The following UTRN variants were observed in gnomAD, a reference collection of about 807,000 sequenced individuals.
The protein encoded by UTRN is dystrophin-related protein 1.
In UTRN, 283 loss-of-function variants were observed where a neutral mutation model predicts 463.9. The observed-to-expected ratio is 0.61, with a 90% CI of 0.55 to 0.67. The LOEUF (loss-of-function observed/expected upper bound fraction) is 0.67, where lower values mean the gene tolerates loss of function less well. Among genes scored for constraint, UTRN ranks in the 30% least tolerant of loss-of-function variants. The pLI is 0.00. For missense variants in UTRN, 3,922 were observed against 4,084.3 expected, an observed-to-expected ratio of 0.96 and a Z score of 1.08; for synonymous variants, 1,442 against 1,431.5, an observed-to-expected ratio of 1.01 and a Z score of -0.17.
chr6:144,289,571 T>G (rs1804025406), intron 1 of UTRN, among the ~76,000 whole-genome samples: 1 of 152,144 alleles, frequency 6.6e-6, no homozygotes, highest in Admixed American at 6.5e-5. Context: ...ATCCTCTCGC[T>G]TAAGCTTCCC....
At chr6:144,705,746 A>T (rs1785028561) in intron 53 of UTRN, among the ~76,000 whole-genome samples, 1 of 152,220 alleles carries the variant, frequency 6.6e-6, no homozygotes, top group Admixed American at 6.5e-5. Flanking sequence ...AATAGTGGAA[A>T]TGAAAGTAAT....
chr6:144,475,723 C>G (rs931837388), intron 25 of UTRN, among the ~76,000 whole-genome samples: 4 of 152,066 alleles, frequency 2.6e-5, no homozygotes, highest in African/African-American at 9.7e-5. Context: ...TCAAGCAGTC[C>G]TCCTGCCTCC....
chr6:144,560,637 A>G (rs1278560540), intron 50 of UTRN, among the ~76,000 whole-genome samples: 1 of 152,110 alleles, frequency 6.6e-6, no homozygotes, highest in Non-Finnish European at 1.5e-5. Context: ...TTTCAAAGGA[A>G]ATGTTTTGTA....
In UTRN at chr6:144,466,796, C is replaced by T. The variant is rs571110928; in HGVS notation, c.3066+3930C>T. 4.6e-5 allele frequency among the ~76,000 whole-genome samples: 7 copies of T among 152,302 alleles called. No individual in the cohort carries two copies. The East Asian group carries it at 1.4e-3, about 29-fold the overall frequency. ...TTTTCCTTATTCAAGAGCTCCTGCCCTATGTATAACTGGGAAATGAAAGAT... is the reference window on the plus strand; with the variant it reads ...TTTTCCTTATTCAAGAGCTCCTGCCTTATGTATAACTGGGAAATGAAAGAT... On this transcript the variant is annotated intron_variant, in intron 23 of 74. Transcript: ENST00000367545.
At chr6:144,412,716 ATGTT>A (rs1165789948) in intron 3 of UTRN, among the ~76,000 whole-genome samples, 1 of 140,762 alleles carries the variant, frequency 7.1e-6, no homozygotes, top group Non-Finnish European at 1.5e-5. Context: ...TACACTATAT[ATGTT>A]TGTGTGTGTG....
At chr6:144,488,940 G>C (rs906310837) in intron 30 of UTRN, 106 bp downstream of exon 30, 3 of 1,125,750 alleles carry the variant, frequency 2.7e-6, no homozygotes, top group Non-Finnish European at 3.5e-6. Flanking sequence ...AGAGTCAATG[G>C]GAAAGATTGA....
chr6:144,507,805 C>T (rs550949701), intron 34 of UTRN, among the ~76,000 whole-genome samples: 2 of 152,146 alleles, frequency 1.3e-5, no homozygotes, highest in Non-Finnish European at 2.9e-5. Flanking sequence ...CTGGGAGATC[C>T]GCTGCTCTCT....
At position 144,658,991 on chromosome 6, in the gene UTRN, G is replaced by A. The variant is rs551490805; in HGVS notation, c.7480-19415G>A. ...TCAGAAACAAGTAAATTCCCTATAA[G>A]AAAACAGTCTGAATGACTTTCAGCG... On this transcript the variant is annotated intron_variant, in intron 51 of 74. Coordinates refer to ENST00000367545, the MANE Select transcript of UTRN (RefSeq NM_007124.3). Among the ~76,000 whole-genome samples the A allele has an allele frequency of 2.0e-5, 3 of 152,272 alleles. No individual in the cohort carries two copies. The South Asian group carries it at 6.2e-4, about 32-fold the overall frequency.
At chr6:144,736,769 C>T (rs572826547) in intron 54 of UTRN, among the ~76,000 whole-genome samples, 9 of 152,306 alleles carry the variant, frequency 5.9e-5, no homozygotes, top group South Asian at 2.1e-4. Flanking sequence ...CTTTTCCATC[C>T]GGCCCCACCT....
rs1330764804 is a variant in UTRN at position 144,851,074 on chromosome 6, T to C, written c.*77T>C. On this transcript the variant is annotated 3_prime_UTR_variant, in exon 75 of 75. Coordinates refer to ENST00000367545, the MANE Select transcript of UTRN (RefSeq NM_007124.3). The stretch of plus-strand genomic sequence containing the variant: ...AGCAAATGCCAATTCCAAGTTCCAT[T>C]AAATCAGAAGCTCCATGGCTCCTTG... 2 of 1,597,348 alleles carry C rather than the reference T, an allele frequency of 1.3e-6. No individual in the cohort carries two copies. The highest frequency in any genetic ancestry group is 1.7e-6 in the Non-Finnish European group (2 of 1,165,142).
intron 2 of UTRN, among the ~76,000 whole-genome samples, chr6:144,380,540 T>C (rs1780820127): frequency 1.3e-5 from 2 of 152,204 alleles, no homozygotes; most frequent in South Asian, 2.1e-4. Context: ...GCCCGGCATA[T>C]TGGCTCATGC....
At position 144,557,222 on chromosome 6, in the gene UTRN, A is replaced by T. The variant is rs749000748; in HGVS notation, c.7200A>T (p.Lys2400Asn). 8.1e-6 allele frequency: 13 copies of T among 1,613,734 alleles called. No individual in the cohort carries two copies. Among genetic ancestry groups the T allele is most frequent in the Middle Eastern group, 1.6e-4 (1 of 6,082 alleles). ...IVMAFDNVLQKLLEEYGSDDT... is the reference protein window; with the variant it reads ...IVMAFDNVLQNLLEEYGSDDT... ...TGGCGTTCGATAACGTCCTGCAGAA[A>T]CTCCTGGAGGAATATGGGAGTGATG... The change falls in exon 50 of 75, where the codon AAA (lysine) becomes AAT (asparagine). Residue 2400 changes from lysine (K) to asparagine (N), a missense_variant. Lys to Asn is a moderately conservative substitution (Grantham distance 94). Coordinates refer to ENST00000367545, the MANE Select transcript of UTRN (RefSeq NM_007124.3).
chr6:144,678,031 T>G (rs1484070625), intron 51 of UTRN, among the ~76,000 whole-genome samples: 1 of 152,222 alleles, frequency 6.6e-6, no homozygotes, highest in Non-Finnish European at 1.5e-5. Flanking sequence ...GCAGAAATTT[T>G]CTCCCATTCT....
intron 50 of UTRN, among the ~76,000 whole-genome samples, chr6:144,563,186 T>C (rs1385749593): frequency 1.3e-5 from 2 of 152,154 alleles, no homozygotes; most frequent in African/African-American, 4.8e-5. Flanking sequence ...TATTTAAATA[T>C]TGTGTATAGT....
chr6:144,439,332 G>T (rs1443808406), intron 12 of UTRN, among the ~76,000 whole-genome samples: 1 of 152,126 alleles, frequency 6.6e-6, no homozygotes, highest in Non-Finnish European at 1.5e-5. Flanking sequence ...TCATAGTCAA[G>T]ATAAGGAAAG....
At chr6:144,847,323 CT>C (rs1373282641) in intron 74 of UTRN, among the ~76,000 whole-genome samples, 3 of 152,170 alleles carry the variant, frequency 2.0e-5, no homozygotes, top group Admixed American at 2.0e-4. Context: ...GACAGGTTTA[CT>C]TTGCCAAGGT....
At chr6:144,659,393 G>A (rs751164398) in intron 51 of UTRN, among the ~76,000 whole-genome samples, 29 of 152,328 alleles carry the variant, frequency 1.9e-4, no homozygotes, top group Admixed American at 9.1e-4. Context: ...AGCTGCCAGA[G>A]CCCACTGAGG....
intron 39 of UTRN, among the ~76,000 whole-genome samples, chr6:144,518,853 A>G (rs1795848361): frequency 6.6e-6 from 1 of 152,210 alleles, no homozygotes; most frequent in Non-Finnish European, 1.5e-5. Flanking sequence ...CTTCAAATCT[A>G]TAGTTTTCAA....
intron 2 of UTRN, among the ~76,000 whole-genome samples, chr6:144,302,832 C>T (rs1805404848): frequency 6.6e-6 from 1 of 152,160 alleles, no homozygotes; most frequent in Non-Finnish European, 1.5e-5. Context: ...AGAGGCAACG[C>T]TGTGGACAGT....
Sources: allele counts gnomAD v4.1 joint callset (sites outside exome capture counted in the v4.1 genomes callset), GRCh38; gene constraint gnomAD v4.1.1; transcripts MANE v1.5; gene names NCBI Gene and HGNC (gene_info 2026-07-23, HGNC 2026-07-21).